ARL15: variants seen among roughly 807,000 people sequenced by gnomAD.
ARL15 encodes the protein ADP-ribosylation factor-like protein 15.
In ARL15, 19 loss-of-function variants were observed where a neutral mutation model predicts 25.2. The ratio of observed to expected loss-of-function variants is 0.75; its 90% CI spans 0.53 to 1.10. ARL15 has a LOEUF of 1.10. Ranked by LOEUF, ARL15 falls within the 50% of genes least tolerant of loss-of-function variation. The probability of loss-of-function intolerance (pLI) is 0.00; values close to 1 mark genes in which losing one functional copy is unlikely to be tolerated. For missense variants in ARL15, 220 were observed against 246.0 expected (o/e 0.89, Z 0.71); for synonymous variants, 94 against 86.8 (o/e 1.08, Z -0.46).
At chr5:54,067,990 T>A (rs1470939480) in intron 4 of ARL15, among the ~76,000 whole-genome samples, 1 of 152,234 alleles carries the variant, frequency 6.6e-6, no homozygotes, top group African/African-American at 2.4e-5. Context: ...TAGGTCTATC[T>A]CTCCCACTAA....
intron 4 of ARL15, chr5:53,951,422 A>C: frequency 2.2e-6 from 1 of 451,472 alleles, no homozygotes; most frequent in Non-Finnish European, 4.6e-6. Context: ...GATTGCTATA[A>C]ATTTCCTAAA....
intron 2 of ARL15, 26 bp downstream of exon 2, chr5:54,171,758 G>A: frequency 1.3e-6 from 2 of 1,590,050 alleles, no homozygotes; most frequent in Non-Finnish European, 1.7e-6. Context: ...AAAGAAGAAG[G>A]GACAGAACCC....
chr5:53,983,191 G>T (rs1748182130), intron 4 of ARL15, among the ~76,000 whole-genome samples: 1 of 151,930 alleles, frequency 6.6e-6, no homozygotes, highest in South Asian at 2.1e-4. Context: ...ATAATCATTT[G>T]GTAATTCAGT....
At chr5:54,113,063 C>G in intron 4 of ARL15, 139 bp downstream of exon 4, 1 of 818,056 alleles carries the variant, frequency 1.2e-6, no homozygotes, top group Non-Finnish European at 1.9e-6. Context: ...AGGCTTTCTG[C>G]TTCCTATGAA....
intron 4 of ARL15, among the ~76,000 whole-genome samples, chr5:54,112,119 T>C (rs1372496027): frequency 6.6e-6 from 1 of 152,168 alleles, no homozygotes; most frequent in Non-Finnish European, 1.5e-5. Flanking sequence ...GTCCTTGCCT[T>C]TCTTTTTTTT....
intron 1 of ARL15, among the ~76,000 whole-genome samples, chr5:54,276,538 T>TCGTA (rs1312435042): frequency 6.6e-6 from 1 of 152,236 alleles, no homozygotes; most frequent in African/African-American, 2.4e-5. Flanking sequence ...AGGCCTAAGA[T>TCGTA]CGTACTAAGG....
At chr5:54,161,476 T>C (rs1754399394) in intron 2 of ARL15, among the ~76,000 whole-genome samples, 1 of 152,238 alleles carries the variant, frequency 6.6e-6, no homozygotes, top group Non-Finnish European at 1.5e-5. Context: ...ACTCGTCTCA[T>C]AAAGAAACAG....
chr5:54,253,435 G>A (rs1463935032), intron 1 of ARL15, among the ~76,000 whole-genome samples: 1 of 152,122 alleles, frequency 6.6e-6, no homozygotes, highest in African/African-American at 2.4e-5. Context: ...TAGAGGTTAG[G>A]AAGATTGAAG....
intron 4 of ARL15, among the ~76,000 whole-genome samples, chr5:53,993,229 A>G (rs1748564706): frequency 6.6e-6 from 1 of 152,170 alleles, no homozygotes. Context: ...TAGCCTTGGA[A>G]CCAAACTGTT....
intron 1 of ARL15, among the ~76,000 whole-genome samples, chr5:54,247,328 G>C (rs1757114551): frequency 6.6e-6 from 1 of 151,716 alleles, no homozygotes; most frequent in African/African-American, 2.4e-5. Flanking sequence ...TCTGTTTCCT[G>C]TTTAGCCTTT....
At chr5:54,186,782 T>A (rs1158656341) in intron 1 of ARL15, among the ~76,000 whole-genome samples, 2 of 152,054 alleles carry the variant, frequency 1.3e-5, no homozygotes, top group African/African-American at 4.8e-5. Flanking sequence ...ACAAGTACCA[T>A]ATACAGATTC....
intron 4 of ARL15, among the ~76,000 whole-genome samples, chr5:53,989,787 A>G (rs1273257541): frequency 2.6e-5 from 4 of 152,348 alleles, no homozygotes; most frequent in East Asian, 3.9e-4. Flanking sequence ...CCTTCCACAG[A>G]ATAGTGTGAA....
intron 3 of ARL15, among the ~76,000 whole-genome samples, chr5:54,128,828 C>T (rs985931650): frequency 1.3e-5 from 2 of 151,536 alleles, no homozygotes; most frequent in Non-Finnish European, 2.9e-5. Flanking sequence ...GCCTCAGCCT[C>T]CCGAGTAGCT....
chr5:54,160,436 C>T (rs16882363), intron 2 of ARL15, among the ~76,000 whole-genome samples: 2,717 of 152,056 alleles, frequency 0.018, 81 homozygotes, highest in African/African-American at 0.063. Flanking sequence ...CTAGGTTATT[C>T]TCCATGTACC....
rs1273535656 is a variant in ARL15 at position 54,221,364 on chromosome 5, T to C, written c.49-49436A>G. The stretch of plus-strand genomic sequence containing the variant: ...CCAAAGCCCAGAATGAAGGGAAAAT[T>C]CACCTTGATGTAACATAGTTGAAGA... On this transcript the variant is annotated intron_variant, in intron 1 of 4. Transcript: ENST00000504924. Among the ~76,000 whole-genome samples, 3 of 152,346 alleles carry C rather than the reference T, an allele frequency of 2.0e-5. No individual in the cohort carries two copies. In the South Asian group the frequency reaches 6.2e-4, roughly 32 times the overall value.
intron 1 of ARL15, among the ~76,000 whole-genome samples, chr5:54,189,386 T>C (rs1460177514): frequency 1.3e-5 from 2 of 152,082 alleles, no homozygotes; most frequent in South Asian, 2.1e-4. Flanking sequence ...GACTTACACA[T>C]ACAGATTTCA....
chr5:54,014,041 G>A (rs369406332), intron 4 of ARL15, among the ~76,000 whole-genome samples: 3 of 152,268 alleles, frequency 2.0e-5, no homozygotes, highest in African/African-American at 7.2e-5. Context: ...TACAAAATCT[G>A]AAATATTTCA....
At chr5:54,002,079 T>G (rs1748865792) in intron 4 of ARL15, among the ~76,000 whole-genome samples, 1 of 152,204 alleles carries the variant, frequency 6.6e-6, no homozygotes, top group Non-Finnish European at 1.5e-5. Flanking sequence ...ATGAAAAATA[T>G]GGATTGAATT....
intron 1 of ARL15, among the ~76,000 whole-genome samples, chr5:54,210,899 C>T (rs1178381056): frequency 3.3e-5 from 5 of 152,194 alleles, no homozygotes; most frequent in South Asian, 2.1e-4. Context: ...AGAACCCAAT[C>T]TAGTGCTTTT....
Sources: allele counts gnomAD v4.1 joint callset (sites outside exome capture counted in the v4.1 genomes callset), GRCh38; gene constraint gnomAD v4.1.1; transcripts MANE v1.5; gene names NCBI Gene and HGNC (gene_info 2026-07-23, HGNC 2026-07-21).